Variants in P2RY8 observed in about 807,000 individuals in gnomAD.
P2RY8 encodes P2Y receptor family member 8.
Under a neutral mutation model 10.0 loss-of-function variants are expected in P2RY8, and 6 were observed. The observed-to-expected ratio is 0.60, with a 90% confidence interval of 0.33 to 1.19. P2RY8 has a LOEUF of 1.19. Ranked by LOEUF, P2RY8 falls within the 50% of genes most tolerant of loss-of-function variation. P2RY8 has a pLI of 0.04. For synonymous variants in P2RY8, 276 were observed against 252.5 expected (o/e 1.09, Z -0.88); for missense variants, 456 against 542.0 (o/e 0.84, Z 1.58).
chrX:1,533,954 ATAGT>A (rs1350681223), intron 1 of P2RY8, among the ~76,000 whole-genome samples: 2 of 123,740 alleles, frequency 1.6e-5, no homozygotes, highest in African/African-American at 6.5e-5. Context: ...TACATATTAC[ATAGT>A]TATATATTTA....
intron 1 of P2RY8, among the ~76,000 whole-genome samples, chrX:1,492,105 G>A (rs1271377304): frequency 6.6e-6 from 1 of 152,154 alleles, no homozygotes; most frequent in African/African-American, 2.4e-5. Flanking sequence ...GGGCTGTGTG[G>A]TTCTCCAGGA....
intron 1 of P2RY8, among the ~76,000 whole-genome samples, chrX:1,480,737 G>C (rs1569536906): frequency 6.6e-6 from 1 of 151,922 alleles, no homozygotes; most frequent in Non-Finnish European, 1.5e-5. Context: ...GGGTTGATGG[G>C]TGCAGCAAAC....
chrX:1,492,060 C>G (rs1231804121), intron 1 of P2RY8, among the ~76,000 whole-genome samples: 1 of 152,164 alleles, frequency 6.6e-6, no homozygotes, highest in Admixed American at 6.6e-5. Flanking sequence ...AACTGTGCAC[C>G]CAGCACCCCT....
chrX:1,523,059 AC>A (rs200994427), intron 1 of P2RY8, among the ~76,000 whole-genome samples: 2,014 of 150,328 alleles, frequency 0.013, 39 homozygotes, highest in African/African-American at 0.047. Context: ...ACAGAGAGAG[AC>A]TCCATCCCCC....
At chrX:1,517,081 G>A (rs1256549164) in intron 1 of P2RY8, among the ~76,000 whole-genome samples, 1 of 151,602 alleles carries the variant, frequency 6.6e-6, no homozygotes, top group Non-Finnish European at 1.5e-5. Flanking sequence ...AAAGAGACAA[G>A]CCTTAGGAGG....
At chrX:1,469,756 C>T (rs758028315) in intron 1 of P2RY8, among the ~76,000 whole-genome samples, 14 of 151,826 alleles carry the variant, frequency 9.2e-5, no homozygotes, top group African/African-American at 3.1e-4. Context: ...AAAAATTAGC[C>T]GGGCGTGGTG....
chrX:1,464,888 CCT>C lies in P2RY8; in HGVS notation c.*589_*590del, dbSNP rs1185664254. ...TTCCAACCACAGCAACCACAGTGCC[CCT>C]GAGTGAAATAAACAGAAATTTCGGC... On this transcript the variant is annotated 3_prime_UTR_variant, in exon 2 of 2. Transcript: ENST00000381297. The C allele has an allele frequency of 4.3e-6, 1 of 234,370 alleles. No homozygotes were observed. Among genetic ancestry groups the C allele is most frequent in the Non-Finnish European group, 8.4e-6 (1 of 118,992 alleles). The allele number at this position is 234,370 out of a possible 1,614,324, so 14.5% of individuals were successfully genotyped here.
At chrX:1,498,690 G>T (rs2092145011) in intron 1 of P2RY8, among the ~76,000 whole-genome samples, 2 of 150,594 alleles carry the variant, frequency 1.3e-5, no homozygotes, top group South Asian at 2.1e-4. Context: ...GCTAATTTTT[G>T]TATTTTTAGT....
At position 1,466,252 on chromosome X, in the gene P2RY8, A is replaced by T; in HGVS notation, c.307T>A (p.Phe103Ile). The T allele has an allele frequency of 6.2e-7, 1 of 1,613,808 alleles. No homozygotes were observed. The highest frequency in any genetic ancestry group is 8.5e-7 in the Non-Finnish European group (1 of 1,179,824). ...VLLCNVVTVA[F>I]YANMYSSILT... ...ATGCTGGAATACATGTTTGCGTAAA[A>T]GGCCACGGTCACCACGTTGCAAAGC... is the stretch of plus-strand genomic sequence containing the variant. Residue 103 changes from phenylalanine (F) to isoleucine (I), a missense_variant, in exon 2 of 2, where the codon TTT (phenylalanine) becomes ATT (isoleucine). Phe to Ile is a conservative substitution (Grantham distance 21). Coordinates refer to ENST00000381297, the MANE Select transcript of P2RY8 (RefSeq NM_178129.5).
rs775238860 is a variant in P2RY8 at position 1,505,015 on chromosome X, G to A, written c.-25+31906C>T. Among the ~76,000 whole-genome samples, 194 of 151,896 alleles carry A rather than the reference G, an allele frequency of 1.3e-3. 1 individual carries two copies. The highest frequency in any genetic ancestry group is 4.5e-3 in the African/African-American group (188 of 41,462). On this transcript the variant is annotated intron_variant, in intron 1 of 1. Transcript: ENST00000381297. ...TAGCCGGGCGTGGTGGCAGGCGCCT[G>A]TAGTCCCAGCTACTTGGGAGGCTGA...
At chrX:1,535,954 C>G (rs1376552329) in intron 1 of P2RY8, among the ~76,000 whole-genome samples, 2 of 152,082 alleles carry the variant, frequency 1.3e-5, no homozygotes, top group East Asian at 3.9e-4. Context: ...CAAATGAGGT[C>G]TGAGGTGGCC....
intron 1 of P2RY8, among the ~76,000 whole-genome samples, chrX:1,506,106 C>T (rs1336033893): frequency 2.7e-5 from 4 of 150,916 alleles, no homozygotes; most frequent in Non-Finnish European, 5.9e-5. Context: ...GATTCTCCTG[C>T]CTCAGCCTCC....
chrX:1,501,360 C>G (rs1210259928), intron 1 of P2RY8, among the ~76,000 whole-genome samples: 3 of 151,988 alleles, frequency 2.0e-5, no homozygotes, highest in African/African-American at 4.8e-5. Flanking sequence ...TTTCGTTTTT[C>G]TGTATTTATT....
chrX:1,492,174 G>A (rs1442947232), intron 1 of P2RY8, among the ~76,000 whole-genome samples: 1 of 152,044 alleles, frequency 6.6e-6, no homozygotes, highest in Admixed American at 6.5e-5. Context: ...AGGATAGGGG[G>A]GTGTGGTCCA....
intron 1 of P2RY8, among the ~76,000 whole-genome samples, chrX:1,523,516 T>C (rs1482005798): frequency 6.6e-6 from 1 of 152,092 alleles, no homozygotes; most frequent in African/African-American, 2.4e-5. Context: ...AGATTTGTGA[T>C]TGCCAGAGGG....
At chrX:1,521,905 G>T (rs1267223501) in intron 1 of P2RY8, among the ~76,000 whole-genome samples, 1 of 134,160 alleles carries the variant, frequency 7.5e-6, no homozygotes, top group African/African-American at 2.8e-5. Flanking sequence ...GTATTGCATG[G>T]TTATTTTTTC....
At chrX:1,508,724 A>AT (rs2092259005) in intron 1 of P2RY8, among the ~76,000 whole-genome samples, 3 of 100,198 alleles carry the variant, frequency 3.0e-5, no homozygotes, top group Middle Eastern at 5.6e-3. Context: ...CTATCTATCT[A>AT]TCTATCTATC....
chrX:1,504,914 C>A (rs2092216596), intron 1 of P2RY8, among the ~76,000 whole-genome samples: 1 of 151,998 alleles, frequency 6.6e-6, no homozygotes, highest in Non-Finnish European at 1.5e-5. Flanking sequence ...GGGTGGATCA[C>A]AAGGTCAGGA....
intron 1 of P2RY8, among the ~76,000 whole-genome samples, chrX:1,483,693 C>G (rs183197109): frequency 4.7e-4 from 72 of 151,998 alleles, no homozygotes; most frequent in Admixed American, 1.8e-3. Context: ...CCAAAGCTAC[C>G]CTCCCTTAGA....
Sources: gnomAD v4.1 joint callset for allele counts (sites outside exome capture counted in the v4.1 genomes callset) on GRCh38, gnomAD v4.1.1 for gene constraint, MANE v1.5 for transcripts, NCBI Gene and HGNC (gene_info 2026-07-23, HGNC 2026-07-21) for gene names.